Variants in SLIT3 observed in about 807,000 individuals in gnomAD.
SLIT3 encodes slit guidance ligand 3, also known as slit homolog 3 protein.
In SLIT3, 68 loss-of-function variants were observed where a neutral mutation model predicts 184.0. The observed-to-expected ratio is 0.37, with a 90% confidence interval of 0.30 to 0.45. The LOEUF is 0.45. Ranked by LOEUF, SLIT3 falls within the 20% of genes least tolerant of loss-of-function variation. SLIT3 has a pLI of 1.00. For missense variants in SLIT3, 1,707 were observed against 2,026.0 expected, an observed-to-expected ratio of 0.84 and a Z score of 3.02; for synonymous variants, 831 against 828.6, an observed-to-expected ratio of 1.00 and a Z score of -0.05.
chr5:169,051,706 T>G (rs189190643), intron 4 of SLIT3, among the ~76,000 whole-genome samples: 1 of 152,080 alleles, frequency 6.6e-6, no homozygotes, highest in Non-Finnish European at 1.5e-5. Context: ...AAGTGGAAAA[T>G]CCACCCTGCA....
At position 168,813,564 on chromosome 5, in the gene SLIT3, C is replaced by G. The variant is rs940721199; in HGVS notation, c.793+3736G>C. Among the ~76,000 whole-genome samples, 7 of 152,350 alleles carry G rather than the reference C, an allele frequency of 4.6e-5. No homozygotes were observed. The East Asian group carries it at 1.2e-3, about 25-fold the overall frequency. On this transcript the variant is annotated intron_variant, in intron 8 of 35. Coordinates refer to ENST00000519560, the MANE Select transcript of SLIT3 (RefSeq NM_003062.4). ...AAAAAGTTAATAAAAAGATAAAGCT[C>G]TATTTCCCCACCCTTGTGAAAAATT...
chr5:169,192,738 C>T (rs1287749787), intron 4 of SLIT3, among the ~76,000 whole-genome samples: 1 of 152,146 alleles, frequency 6.6e-6, no homozygotes, highest in African/African-American at 2.4e-5. Flanking sequence ...TTAGGCAATT[C>T]AGTACACCCC....
intron 1 of SLIT3, among the ~76,000 whole-genome samples, chr5:169,299,384 T>C (rs1336179962): frequency 6.6e-6 from 1 of 152,118 alleles, no homozygotes; most frequent in Non-Finnish European, 1.5e-5. Context: ...ATGCTTGTCA[T>C]CACTACTCTC....
intron 4 of SLIT3, among the ~76,000 whole-genome samples, chr5:169,097,937 A>AC (rs1181820006): frequency 1.3e-5 from 2 of 151,924 alleles, no homozygotes; most frequent in East Asian, 3.9e-4. Context: ...TAAGTAGGGA[A>AC]CCCCCAGGGA....
intron 15 of SLIT3, among the ~76,000 whole-genome samples, chr5:168,761,581 A>G (rs1361978728): frequency 1.3e-5 from 2 of 151,998 alleles, no homozygotes; most frequent in Non-Finnish European, 1.5e-5. Flanking sequence ...TATCTCCCCC[A>G]TTTGACAGCT....
chr5:169,001,208 C>G (rs1755692069), intron 4 of SLIT3, among the ~76,000 whole-genome samples: 1 of 152,212 alleles, frequency 6.6e-6, no homozygotes, highest in Non-Finnish European at 1.5e-5. Flanking sequence ...TCAGCCCTTT[C>G]TGAGGAAACT....
chr5:168,849,005 A>G (rs1337739027), intron 5 of SLIT3, among the ~76,000 whole-genome samples: 2 of 152,210 alleles, frequency 1.3e-5, no homozygotes, highest in Middle Eastern at 3.2e-3. Context: ...GCTTCTAACT[A>G]TCTCCCAACA....
At chr5:169,263,549 C>T in intron 1 of SLIT3, 1 of 427,892 alleles carries the variant, frequency 2.3e-6, no homozygotes, top group Non-Finnish European at 4.7e-6. Flanking sequence ...TTGCGAGGCT[C>T]CAGAAGTCTG....
At chr5:168,905,559 G>T (rs1336130053) in intron 4 of SLIT3, among the ~76,000 whole-genome samples, 1 of 152,170 alleles carries the variant, frequency 6.6e-6, no homozygotes, top group South Asian at 2.1e-4. Flanking sequence ...GACTCGGAGA[G>T]GTGAACACAT....
chr5:169,135,759 T>C (rs1466388261), intron 4 of SLIT3, among the ~76,000 whole-genome samples: 1 of 152,236 alleles, frequency 6.6e-6, no homozygotes, highest in Non-Finnish European at 1.5e-5. Context: ...CCATGAGCTC[T>C]AAACTTGCTT....
In SLIT3 at chr5:169,153,971, C is replaced by CTT. The variant is rs1177389865; in HGVS notation, c.413+39506_413+39507dup. ...GACAGACTCCCTTGATGCTCCCAGC[C>CTT]TTTTTTTTTTTTTTTTTGTGAGACA... On this transcript the variant is annotated intron_variant, in intron 4 of 35. Coordinates refer to ENST00000519560, the MANE Select transcript of SLIT3 (RefSeq NM_003062.4). 1.8e-3 allele frequency among the ~76,000 whole-genome samples: 247 copies of CTT among 134,844 alleles called. 2 individuals carry two copies. Among genetic ancestry groups the CTT allele is most frequent in the African/African-American group, 5.9e-3 (209 of 35,424 alleles). 88.5% of individuals were successfully genotyped at this position (134,844 alleles called of 152,430 possible). A position where few individuals can be genotyped will look rare whatever the true frequency, so the allele number is the denominator to read the frequency against.
intron 6 of SLIT3, among the ~76,000 whole-genome samples, chr5:168,836,980 T>C (rs1758072590): frequency 6.6e-6 from 1 of 152,160 alleles, no homozygotes; most frequent in Non-Finnish European, 1.5e-5. Context: ...TTCAAAGTAA[T>C]TTTTACTTTT....
chr5:168,870,538 G>C (rs1343243813), intron 5 of SLIT3, among the ~76,000 whole-genome samples: 1 of 152,150 alleles, frequency 6.6e-6, no homozygotes, highest in Admixed American at 6.5e-5. Flanking sequence ...GCATTATCCT[G>C]ATTCTCTTTT....
At chr5:169,155,354 T>C (rs1437661337) in intron 4 of SLIT3, among the ~76,000 whole-genome samples, 1 of 152,204 alleles carries the variant, frequency 6.6e-6, no homozygotes, top group Non-Finnish European at 1.5e-5. Flanking sequence ...CCAAACCTTT[T>C]TCCTGGCCTA....
chr5:168,792,791 G>A (rs1756421848), intron 10 of SLIT3, among the ~76,000 whole-genome samples: 1 of 152,172 alleles, frequency 6.6e-6, no homozygotes. Context: ...GATACAGGTT[G>A]AGTATCCCTA....
Position 169,078,813 on chromosome 5 carries a change from G to A in SLIT3, c.413+114666C>T, listed in dbSNP as rs116570556. ...GCAGATATCATACCAGACACGCCAA[G>A]TGAAATAAGGAAAACAAACCCAATT... is the stretch of plus-strand genomic sequence containing the variant. On this transcript the variant is annotated intron_variant, in intron 4 of 35. Transcript: ENST00000519560. Among the ~76,000 whole-genome samples the A allele has an allele frequency of 3.3e-3, 500 of 152,320 alleles. 2 individuals carry two copies. The highest frequency in any genetic ancestry group is 0.011 in the African/African-American group (475 of 41,576).
chr5:169,156,128 T>C (rs1762296299), intron 4 of SLIT3, among the ~76,000 whole-genome samples: 1 of 152,208 alleles, frequency 6.6e-6, no homozygotes, highest in African/African-American at 2.4e-5. Context: ...TCAGGAAACA[T>C]TCTGCAGAAT....
At chr5:168,775,358 C>G (rs1241480585) in intron 12 of SLIT3, among the ~76,000 whole-genome samples, 1 of 152,106 alleles carries the variant, frequency 6.6e-6, no homozygotes, top group African/African-American at 2.4e-5. Context: ...TTTCATTCCT[C>G]AGACACACCA....
intron 3 of SLIT3, among the ~76,000 whole-genome samples, chr5:169,197,156 A>G (rs922646376): frequency 2.0e-5 from 3 of 152,174 alleles, no homozygotes; most frequent in Non-Finnish European, 4.4e-5. Flanking sequence ...TGGCTGGACA[A>G]AAATAAAAAT....
Sources: allele counts gnomAD v4.1 joint callset (sites outside exome capture counted in the v4.1 genomes callset), GRCh38; gene constraint gnomAD v4.1.1; transcripts MANE v1.5; gene names NCBI Gene and HGNC (gene_info 2026-07-23, HGNC 2026-07-21).